Variants in HS6ST3 observed in about 807,000 individuals in gnomAD.
HS6ST3 encodes heparan sulfate 6-O-sulfotransferase 3.
In HS6ST3, 12 loss-of-function variants were observed where a neutral mutation model predicts 36.7. That is an observed-to-expected ratio of 0.33 (90% CI 0.21 to 0.53). The LOEUF is 0.53. HS6ST3 is among the 20% of genes least tolerant of loss of function. The probability of loss-of-function intolerance (pLI) is 0.95; values close to 1 mark genes in which losing one functional copy is unlikely to be tolerated. For synonymous variants in HS6ST3, 240 were observed against 257.5 expected, an observed-to-expected ratio of 0.93 and a Z score of 0.65; for missense variants, 584 against 640.9, an observed-to-expected ratio of 0.91 and a Z score of 0.96.
chr13:96,239,960 G>A (rs1400584001), intron 1 of HS6ST3, among the ~76,000 whole-genome samples: 1 of 152,072 alleles, frequency 6.6e-6, no homozygotes, highest in Non-Finnish European at 1.5e-5. Flanking sequence ...AGATCTCTAT[G>A]TTTAGTCACT....
chr13:96,703,777 A>T (rs1463566373), intron 1 of HS6ST3, among the ~76,000 whole-genome samples: 1 of 152,156 alleles, frequency 6.6e-6, no homozygotes, highest in Non-Finnish European at 1.5e-5. Flanking sequence ...TTCAAATTTC[A>T]TCTCAAATTG....
Position 96,374,466 on chromosome 13 carries a change from A to G in HS6ST3, c.707+282897A>G, listed in dbSNP as rs1697978474. Among the ~76,000 whole-genome samples the G allele has an allele frequency of 2.0e-5, 3 of 152,276 alleles. No individual in the cohort carries two copies. The South Asian group carries it at 6.2e-4, about 32-fold the overall frequency. Reference sequence around the variant, plus strand: ...TCATCAGATTTCTCCTTCATGTAGCATTCCTCAAATCTTTGTCCCTGTCTC... The same window carrying G: ...TCATCAGATTTCTCCTTCATGTAGCGTTCCTCAAATCTTTGTCCCTGTCTC... On this transcript the variant is annotated intron_variant, in intron 1 of 1. Transcript: ENST00000376705.
intron 1 of HS6ST3, among the ~76,000 whole-genome samples, chr13:96,104,803 C>T (rs2053833559): frequency 6.6e-6 from 1 of 152,154 alleles, no homozygotes; most frequent in Non-Finnish European, 1.5e-5. Context: ...CCTTGGCTTC[C>T]TGACTGACCC....
intron 1 of HS6ST3, among the ~76,000 whole-genome samples, chr13:96,548,991 C>T (rs562367003): frequency 6.6e-6 from 1 of 152,354 alleles, no homozygotes; most frequent in African/African-American, 2.4e-5. Flanking sequence ...TCACACTCTC[C>T]TTACAAACAC....
intron 1 of HS6ST3, among the ~76,000 whole-genome samples, chr13:96,238,646 C>T (rs952530870): frequency 1.3e-5 from 2 of 152,170 alleles, no homozygotes; most frequent in African/African-American, 4.8e-5. Context: ...AGACTCATGG[C>T]TTAGGATTAT....
chr13:96,116,634 T>G (rs1422319636), intron 1 of HS6ST3, among the ~76,000 whole-genome samples: 5 of 152,346 alleles, frequency 3.3e-5, no homozygotes, highest in Admixed American at 3.3e-4. Context: ...ATGCAGAAGG[T>G]GCTCAGTATG....
intron 1 of HS6ST3, among the ~76,000 whole-genome samples, chr13:96,285,495 AG>A (rs1020979158): frequency 6.6e-6 from 1 of 152,204 alleles, no homozygotes; most frequent in Non-Finnish European, 1.5e-5. Flanking sequence ...TGTACAGAAT[AG>A]GGAATTGGGC....
At chr13:96,777,561 A>G (rs1877419861) in intron 1 of HS6ST3, among the ~76,000 whole-genome samples, 1 of 152,156 alleles carries the variant, frequency 6.6e-6, no homozygotes, top group Admixed American at 6.5e-5. Context: ...TCATGAGTGA[A>G]CTCCCATTCA....
chr13:96,118,337 G>T (rs1422591382), intron 1 of HS6ST3, among the ~76,000 whole-genome samples: 1 of 151,996 alleles, frequency 6.6e-6, no homozygotes, highest in Non-Finnish European at 1.5e-5. Flanking sequence ...AGATAAAGTC[G>T]CCATCTACAA....
intron 1 of HS6ST3, among the ~76,000 whole-genome samples, chr13:96,336,786 T>G (rs946629300): frequency 1.3e-5 from 2 of 152,204 alleles, no homozygotes; most frequent in Admixed American, 1.3e-4. Context: ...ACTTTAGCTT[T>G]CTTATACTCT....
At chr13:96,270,771 A>G (rs1344870449) in intron 1 of HS6ST3, among the ~76,000 whole-genome samples, 1 of 151,916 alleles carries the variant, frequency 6.6e-6, no homozygotes, top group Non-Finnish European at 1.5e-5. Flanking sequence ...AGGAAGCTTG[A>G]AACGATGGAG....
At chr13:96,576,121 G>A (rs981756081) in intron 1 of HS6ST3, among the ~76,000 whole-genome samples, 1 of 148,056 alleles carries the variant, frequency 6.8e-6, no homozygotes, top group Non-Finnish European at 1.5e-5. Flanking sequence ...GAAAGAACAC[G>A]TGTACTGTTC....
At chr13:96,771,230 T>C (rs912435446) in intron 1 of HS6ST3, among the ~76,000 whole-genome samples, 2 of 130,234 alleles carry the variant, frequency 1.5e-5, no homozygotes, top group Admixed American at 9.7e-5. Context: ...ATGAGAACAC[T>C]TGGACACAGG....
At chr13:96,765,165 C>CTGGGTT (rs1877072971) in intron 1 of HS6ST3, among the ~76,000 whole-genome samples, 1 of 147,230 alleles carries the variant, frequency 6.8e-6, no homozygotes, top group Non-Finnish European at 1.5e-5. Context: ...GCTCCGCCTT[C>CTGGGTT]TGGGTTCACG....
intron 1 of HS6ST3, among the ~76,000 whole-genome samples, chr13:96,093,780 C>G (rs1012683962): frequency 2.6e-5 from 4 of 152,132 alleles, no homozygotes; most frequent in Non-Finnish European, 4.4e-5. Flanking sequence ...ACAGTAGCAT[C>G]TCTCTAGCAG....
intron 1 of HS6ST3, among the ~76,000 whole-genome samples, chr13:96,731,711 T>C (rs1437413733): frequency 1.3e-5 from 2 of 151,942 alleles, no homozygotes; most frequent in Non-Finnish European, 2.9e-5. Flanking sequence ...CAGGCTGGAG[T>C]GCAGTAGTGT....
At chr13:96,804,098 G>A (rs189025529) in intron 1 of HS6ST3, among the ~76,000 whole-genome samples, 1 of 151,792 alleles carries the variant, frequency 6.6e-6, no homozygotes, top group East Asian at 2.0e-4. Context: ...AGGCAGTGGA[G>A]CAGTCACTTG....
intron 1 of HS6ST3, among the ~76,000 whole-genome samples, chr13:96,568,930 T>C (rs868784307): frequency 1.2e-4 from 18 of 152,232 alleles, no homozygotes; most frequent in Middle Eastern, 3.4e-3. Flanking sequence ...CATCCATAAG[T>C]GTGGAATTTA....
chr13:96,204,008 A>C (rs2054356433), intron 1 of HS6ST3, among the ~76,000 whole-genome samples: 1 of 152,180 alleles, frequency 6.6e-6, no homozygotes, highest in South Asian at 2.1e-4. Context: ...AAAGGAAACA[A>C]GTTGAATATG....
Sources: gnomAD v4.1 joint callset for allele counts (sites outside exome capture counted in the v4.1 genomes callset) on GRCh38, gnomAD v4.1.1 for gene constraint, MANE v1.5 for transcripts, NCBI Gene and HGNC (gene_info 2026-07-23, HGNC 2026-07-21) for gene names.